SIPA1L2: variants seen among roughly 807,000 people sequenced by gnomAD.
SIPA1L2 encodes the protein signal induced proliferation associated 1 like 2, also known as signal-induced proliferation-associated 1-like protein 2.
A neutral mutation model predicts 163.9 loss-of-function variants in SIPA1L2; 56 were observed. That is an observed-to-expected ratio of 0.34 (90% CI 0.28 to 0.43). The LOEUF (loss-of-function observed/expected upper bound fraction) is 0.43. Among genes scored for constraint, SIPA1L2 ranks in the 20% least tolerant of loss-of-function variants. SIPA1L2 has a pLI of 1.00. For missense variants in SIPA1L2, 1,974 were observed against 2,193.5 expected (o/e 0.90, Z 2.00); for synonymous variants, 877 against 865.7 (o/e 1.01, Z -0.23).
At chr1:232,440,097 G>C (rs1277741139) in intron 14 of SIPA1L2, among the ~76,000 whole-genome samples, 1 of 152,208 alleles carries the variant, frequency 6.6e-6, no homozygotes, top group Non-Finnish European at 1.5e-5. Context: ...GTCAAAGTGC[G>C]TCCCAAGCCT....
chr1:232,591,094 T>C (rs1660934870), intron 1 of SIPA1L2, among the ~76,000 whole-genome samples: 1 of 152,162 alleles, frequency 6.6e-6, no homozygotes, highest in Admixed American at 6.5e-5. Flanking sequence ...GTGCTCACCG[T>C]CTCTCTTGGC....
chr1:232,529,376 C>T (rs1005877171), intron 2 of SIPA1L2, among the ~76,000 whole-genome samples: 2 of 152,178 alleles, frequency 1.3e-5, no homozygotes, highest in African/African-American at 2.4e-5. Context: ...TACTATGTAA[C>T]GGTATACATT....
chr1:232,542,181 A>G (rs1196390726), intron 2 of SIPA1L2, among the ~76,000 whole-genome samples: 2 of 152,208 alleles, frequency 1.3e-5, no homozygotes, highest in Non-Finnish European at 2.9e-5. Flanking sequence ...CGCGATATAT[A>G]CTAATTTCTC....
intron 1 of SIPA1L2, among the ~76,000 whole-genome samples, chr1:232,626,269 A>C (rs1475445056): frequency 6.6e-6 from 1 of 151,206 alleles, no homozygotes; most frequent in Non-Finnish European, 1.5e-5. Context: ...AGACGAAAAC[A>C]AAAGGTATAG....
intron 18 of SIPA1L2, among the ~76,000 whole-genome samples, chr1:232,417,814 C>A (rs1181613037): frequency 1.3e-5 from 2 of 152,178 alleles, no homozygotes; most frequent in African/African-American, 4.8e-5. Context: ...GCAGCAATTA[C>A]TTTTGTCACT....
At chr1:232,598,850 CA>C (rs1190163432) in intron 1 of SIPA1L2, among the ~76,000 whole-genome samples, 1 of 150,878 alleles carries the variant, frequency 6.6e-6, no homozygotes, top group Non-Finnish European at 1.5e-5. Flanking sequence ...ATATTCAGAC[CA>C]AGCAAGTAGA....
At chr1:232,567,102 T>C (rs761982467) in intron 2 of SIPA1L2, among the ~76,000 whole-genome samples, 1 of 152,196 alleles carries the variant, frequency 6.6e-6, no homozygotes, top group Admixed American at 6.5e-5. Context: ...GCCACAGAGA[T>C]CTGGTAGTTT....
rs2296619 is a variant in SIPA1L2 at position 232,480,046 on chromosome 1, G to A, written c.1982-316C>T. ...GAAAGCGAAGTGTTTTTGCCACCAA[G>A]TGCACAGGTGAGCAGTGGAGAAGAG... On this transcript the variant is annotated intron_variant, in intron 6 of 22. Coordinates refer to ENST00000674635, the MANE Select transcript of SIPA1L2 (RefSeq NM_020808.5). 0.037 allele frequency among the ~76,000 whole-genome samples: 5,578 copies of A among 152,206 alleles called. 953 individuals carry two copies. The East Asian group carries it at 0.56, about 15-fold the overall frequency.
At chr1:232,445,125 T>TA (rs1484521722) in intron 11 of SIPA1L2, among the ~76,000 whole-genome samples, 1 of 152,232 alleles carries the variant, frequency 6.6e-6, no homozygotes, top group East Asian at 1.9e-4. Flanking sequence ...TGGAACCTCT[T>TA]AAAGTATTAC....
rs182425018 is a variant in SIPA1L2, at chr1:232,543,792, C to T, written c.-269-28184G>A. Among the ~76,000 whole-genome samples, 15 of 152,270 alleles carry T rather than the reference C, an allele frequency of 9.9e-5. No individual in the cohort carries two copies. In the East Asian group the frequency reaches 2.9e-3, roughly 29 times the overall value. ...GCTGAGGTGAAAGGATCAGTGAGCC[C>T]AGGAGTTTGAGGCTACCGGGAGCTA... On this transcript the variant is annotated intron_variant, in intron 2 of 22. Transcript: ENST00000674635.
In SIPA1L2 at chr1:232,465,419, G is replaced by A. The variant is rs1196541979; in HGVS notation, c.2244-3C>T. Reference sequence around the variant, plus strand: ...CTTTTGATCTGGAAACTCCAACACTGAGGAAGTAAAAACAGAAACAAAATG... The same window carrying A: ...CTTTTGATCTGGAAACTCCAACACTAAGGAAGTAAAAACAGAAACAAAATG... On this transcript the variant is annotated splice_region_variant and splice_polypyrimidine_tract_variant and intron_variant, in intron 8 of 22. Transcript: ENST00000674635. The surrounding 1 kb of genome is among the most constrained non-coding windows in gnomAD (Gnocchi z 4.1). The A allele has an allele frequency of 2.5e-6, 4 of 1,591,644 alleles. No individual in the cohort carries two copies. In the African/African-American group the frequency reaches 4.1e-5, roughly 16 times the overall value.
chr1:232,621,675 A>G (rs1662818935), intron 1 of SIPA1L2, among the ~76,000 whole-genome samples: 1 of 152,044 alleles, frequency 6.6e-6, no homozygotes, highest in Non-Finnish European at 1.5e-5. Context: ...TCTCTCCCCA[A>G]TTCTTTATTC....
At chr1:232,501,771 C>T (rs1431245586) in intron 3 of SIPA1L2, among the ~76,000 whole-genome samples, 1 of 152,192 alleles carries the variant, frequency 6.6e-6, no homozygotes, top group Non-Finnish European at 1.5e-5. Context: ...TCCAAGGGTG[C>T]CTGGCTCTGT....
At chr1:232,597,421 T>C (rs1454429506) in intron 1 of SIPA1L2, among the ~76,000 whole-genome samples, 2 of 151,312 alleles carry the variant, frequency 1.3e-5, no homozygotes, top group Non-Finnish European at 1.5e-5. Flanking sequence ...CTCACACCTG[T>C]AATCCCAGCA....
At chr1:232,564,096 A>T (rs1659218890) in intron 2 of SIPA1L2, among the ~76,000 whole-genome samples, 1 of 116,406 alleles carries the variant, frequency 8.6e-6, no homozygotes, top group Non-Finnish European at 1.6e-5. Flanking sequence ...TGGCCAAGGA[A>T]GGTTTCATCA....
At chr1:232,520,050 G>A (rs960687741) in intron 2 of SIPA1L2, among the ~76,000 whole-genome samples, 1 of 152,212 alleles carries the variant, frequency 6.6e-6, no homozygotes, top group Admixed American at 6.5e-5. Flanking sequence ...CCTAAACCTA[G>A]ATTCTGACCA....
intron 1 of SIPA1L2, among the ~76,000 whole-genome samples, chr1:232,605,380 G>A (rs1038915861): frequency 4.6e-5 from 7 of 152,188 alleles, no homozygotes; most frequent in Non-Finnish European, 8.8e-5. Context: ...ACCATGGTAG[G>A]TGTTCAAAAG....
At chr1:232,447,255 T>C (rs1558184787) in intron 10 of SIPA1L2, among the ~76,000 whole-genome samples, 3 of 152,350 alleles carry the variant, frequency 2.0e-5, no homozygotes, top group South Asian at 2.1e-4. Flanking sequence ...CCTTTTAATA[T>C]GGCTACTGGA....
chr1:232,465,314 G>C lies in SIPA1L2; in HGVS notation c.2346C>G (p.Ala782=). 1 of 1,614,058 alleles carries C rather than the reference G, an allele frequency of 6.2e-7. No individual in the cohort carries two copies. Among genetic ancestry groups the C allele is most frequent in the Non-Finnish European group, 8.5e-7 (1 of 1,180,010 alleles). Residue 782 remains alanine (A), a synonymous_variant, in exon 9 of 23, where the codon GCC becomes GCG. Coordinates refer to ENST00000674635, the MANE Select transcript of SIPA1L2 (RefSeq NM_020808.5). The surrounding 1 kb of genome is among the most constrained non-coding windows in gnomAD (Gnocchi z 4.1). The stretch of plus-strand genomic sequence containing the variant: ...CTGCATTTTCTGCATTGATTACTTT[G>C]GCTAAAAGGAAGTCCCGGAACACGG... ...KSAVFRDFLL[A]KVINAENAAH...
Sources: allele counts gnomAD v4.1 joint callset (sites outside exome capture counted in the v4.1 genomes callset), GRCh38; gene constraint gnomAD v4.1.1; non-coding constraint Gnocchi (gnomAD v3.1); transcripts MANE v1.5; gene names NCBI Gene and HGNC (gene_info 2026-07-23, HGNC 2026-07-21).